ACSS3: variants seen among roughly 807,000 people sequenced by gnomAD.
ACSS3 encodes acyl-CoA synthetase short chain family member 3.
ACSS3 carries 64 observed loss-of-function variants against 84.2 expected under a neutral mutation model. That is an observed-to-expected ratio of 0.76 (90% CI 0.62 to 0.94). The LOEUF is 0.94. Ranked by LOEUF, ACSS3 falls within the 40% of genes least tolerant of loss-of-function variation. The pLI is 0.00. For synonymous variants in ACSS3, 317 were observed against 310.1 expected (o/e 1.02, Z -0.23); for missense variants, 815 against 867.6 (o/e 0.94, Z 0.76).
chr12:81,166,156 G>A (rs890084441), intron 7 of ACSS3, among the ~76,000 whole-genome samples: 5 of 152,132 alleles, frequency 3.3e-5, no homozygotes, highest in Non-Finnish European at 7.3e-5. Context: ...AATTGGACTT[G>A]GATTGTTGTG....
chr12:81,213,985 T>C (rs71437084), intron 9 of ACSS3, among the ~76,000 whole-genome samples: 1,147 of 40,612 alleles, frequency 0.028, 192 homozygotes, highest in Non-Finnish European at 0.08. Context: ...CTTTCTTTCT[T>C]TCTTTCTTTC....
rs369948490 is a variant in ACSS3 at position 81,191,476 on chromosome 12, G to A, written c.1251-7865G>A. ...AATGGGCATGGAAGTCTTTTTCCCC[G>A]CTATTATCTAGAAGATTTTATGTAC... On this transcript the variant is annotated intron_variant, in intron 8 of 15. Transcript: ENST00000548058. Among the ~76,000 whole-genome samples the A allele has an allele frequency of 2.2e-3, 328 of 152,004 alleles. 2 individuals carry two copies. Among genetic ancestry groups the A allele is most frequent in the African/African-American group, 7.7e-3 (318 of 41,466 alleles).
intron 1 of ACSS3, among the ~76,000 whole-genome samples, chr12:81,080,299 C>T (rs2121252201): frequency 6.6e-6 from 1 of 151,534 alleles, no homozygotes; most frequent in East Asian, 1.9e-4. Context: ...GAGCTTAAGA[C>T]CAGGAGATTT....
intron 8 of ACSS3, among the ~76,000 whole-genome samples, chr12:81,177,644 G>A (rs1269928722): frequency 1.3e-5 from 2 of 152,116 alleles, no homozygotes; most frequent in African/African-American, 2.4e-5. Flanking sequence ...CCATCAAAAA[G>A]TGGGCGAAGG....
Position 81,259,629 on chromosome 12 carries a change from A to T in ACSS3, c.*4707A>T. 6.5e-7 allele frequency: 1 copy of T among 1,533,894 alleles called. No individual in the cohort carries two copies. Among genetic ancestry groups the T allele is most frequent in the Non-Finnish European group, 8.7e-7 (1 of 1,145,088 alleles). On this transcript the variant is annotated 3_prime_UTR_variant, in exon 16 of 16. Transcript: ENST00000548058. ...TGCTCGTCTTCTTAGATGGTAGTGCACTTTAGGTAGAGTAGACTGAAAAGA... is the reference window on the plus strand; with the variant it reads ...TGCTCGTCTTCTTAGATGGTAGTGCTCTTTAGGTAGAGTAGACTGAAAAGA...
chr12:81,241,024 C>A (rs2033783698), intron 13 of ACSS3, among the ~76,000 whole-genome samples: 1 of 134,618 alleles, frequency 7.4e-6, no homozygotes, highest in Non-Finnish European at 1.6e-5. Flanking sequence ...TGTGATGTTC[C>A]CCTTCCTGCA....
chr12:81,137,677 A>G (rs1327707493), intron 3 of ACSS3, among the ~76,000 whole-genome samples: 1 of 152,198 alleles, frequency 6.6e-6, no homozygotes, highest in Non-Finnish European at 1.5e-5. Flanking sequence ...GGAAGAGTCT[A>G]ATTTTGACTT....
At chr12:81,215,480 A>T (rs1882189) in intron 9 of ACSS3, among the ~76,000 whole-genome samples, 5 of 152,016 alleles carry the variant, frequency 3.3e-5, no homozygotes, top group Non-Finnish European at 5.9e-5. Context: ...TGGAAGGTAA[A>T]GAGCAGTAAT....
rs1883380989 is a variant in ACSS3, at chr12:81,109,446, C to T, written c.312-114C>T. The stretch of plus-strand genomic sequence containing the variant: ...CTGTCATTACTTGACATAGAATGCA[C>T]TAGGAAACATTGTTTTAAGGCCAGC... On this transcript the variant is annotated intron_variant, in intron 1 of 15. Coordinates refer to ENST00000548058, the MANE Select transcript of ACSS3 (RefSeq NM_024560.4). 34 of 1,193,316 alleles carry T rather than the reference C, an allele frequency of 2.8e-5. No homozygotes were observed. In the East Asian group the frequency reaches 8.6e-4, roughly 30 times the overall value. The allele number at this position is 1,193,316 out of a possible 1,614,324, so 73.9% of individuals were successfully genotyped here. A position where few individuals can be genotyped will look rare whatever the true frequency, so the allele number is the denominator to read the frequency against.
intron 8 of ACSS3, among the ~76,000 whole-genome samples, chr12:81,181,619 A>G (rs980897048): frequency 6.6e-6 from 1 of 152,146 alleles, no homozygotes; most frequent in African/African-American, 2.4e-5. Context: ...GAGACAAAAT[A>G]GTATACAAAT....
intron 13 of ACSS3, among the ~76,000 whole-genome samples, chr12:81,242,121 C>T (rs1266279370): frequency 6.6e-6 from 1 of 151,976 alleles, no homozygotes; most frequent in Non-Finnish European, 1.5e-5. Context: ...TGTTTTTCCT[C>T]AGGTTTGTCA....
intron 2 of ACSS3, among the ~76,000 whole-genome samples, chr12:81,124,018 C>T (rs1593090720): frequency 6.6e-6 from 1 of 152,086 alleles, no homozygotes; most frequent in East Asian, 1.9e-4. Flanking sequence ...AATAGGATTG[C>T]TGGGTCAAAT....
intron 11 of ACSS3, among the ~76,000 whole-genome samples, chr12:81,220,356 T>C (rs563197195): frequency 6.6e-6 from 1 of 152,120 alleles, no homozygotes; most frequent in East Asian, 1.9e-4. Context: ...TTAACTTACA[T>C]ACAAAAAAAA....
chr12:81,252,752 C>T (rs1353998344), intron 13 of ACSS3, among the ~76,000 whole-genome samples: 3 of 152,058 alleles, frequency 2.0e-5, no homozygotes, highest in African/African-American at 7.2e-5. Context: ...TATCTGATGT[C>T]AGGGCTTCTC....
chr12:81,093,602 A>C (rs1425531145), intron 1 of ACSS3, among the ~76,000 whole-genome samples: 1 of 148,004 alleles, frequency 6.8e-6, no homozygotes, highest in Non-Finnish European at 1.5e-5. Context: ...AGTTCCCTTC[A>C]GTGTTTTTTT....
intron 4 of ACSS3, among the ~76,000 whole-genome samples, chr12:81,141,806 A>G (rs1374775495): frequency 6.6e-6 from 1 of 152,206 alleles, no homozygotes; most frequent in East Asian, 1.9e-4. Flanking sequence ...ATGGAAACGT[A>G]TGATTTGGTC....
At position 81,220,023 on chromosome 12, in the gene ACSS3, G is replaced by A; in HGVS notation, c.1461G>A (p.Leu487=). ...KSVPGYNVMI[L]DDNMQKLKAR... ...TATTTTACTTTGTAGTTATGATTTT[G>A]GATGACAACATGCAAAAACTGAAGG... is the stretch of plus-strand genomic sequence containing the variant. The change falls in exon 11 of 16, where the codon TTG becomes TTA. Residue 487 remains leucine, a synonymous_variant. Transcript: ENST00000548058. 9 of 1,533,352 alleles carry A rather than the reference G, an allele frequency of 5.9e-6. No homozygotes were observed. Among genetic ancestry groups the A allele is most frequent in the Non-Finnish European group, 7.9e-6 (9 of 1,139,444 alleles). 95.0% of individuals were successfully genotyped at this position (1,533,352 alleles called of 1,614,324 possible). A position where few individuals can be genotyped will look rare whatever the true frequency, so the allele number is the denominator to read the frequency against.
Position 81,078,187 on chromosome 12 carries a change from G to A in ACSS3, c.67G>A (p.Gly23Arg), listed in dbSNP as rs934261212. 1.3e-6 allele frequency: 2 copies of A among 1,547,560 alleles called. No homozygotes were observed. The highest frequency in any genetic ancestry group is 2.8e-5 in the African/African-American group (2 of 72,156). Residue 23 changes from glycine (G) to arginine (R), a missense_variant, in exon 1 of 16, where the codon GGG becomes AGG. By Grantham distance (125) the Gly-to-Arg change is moderately radical. Coordinates refer to ENST00000548058, the MANE Select transcript of ACSS3 (RefSeq NM_024560.4). ...CGGGGGGCTCGGAGGGCCCTTGCCT[G>A]GGTCCTCTCCGGCCCGGGGAGCCGG... The part of the protein sequence containing the change: ...SAGGLGGPLP[G>R]SSPARGAGAA...
intron 13 of ACSS3, among the ~76,000 whole-genome samples, chr12:81,237,870 T>G (rs2033676132): frequency 1.3e-5 from 2 of 151,742 alleles, no homozygotes; most frequent in South Asian, 4.1e-4. Flanking sequence ...CTTTCTTGCC[T>G]TGTTGCACTA....
Sources: gnomAD v4.1 joint callset for allele counts (sites outside exome capture counted in the v4.1 genomes callset) on GRCh38, gnomAD v4.1.1 for gene constraint, MANE v1.5 for transcripts, NCBI Gene and HGNC (gene_info 2026-07-23, HGNC 2026-07-21) for gene names.